NUP98: variants seen among roughly 807,000 people sequenced by gnomAD.
The protein encoded by NUP98 is nucleoporin 98 and 96 precursor.
A neutral mutation model predicts 191.9 loss-of-function variants in NUP98; 26 were observed. That is an observed-to-expected ratio of 0.14 (90% CI 0.10 to 0.19). The LOEUF is 0.19. Among genes scored for constraint, NUP98 ranks in the 10% least tolerant of loss-of-function variants. NUP98 has a pLI of 1.00. For missense variants in NUP98, 1,941 were observed against 2,178.8 expected (o/e 0.89, Z 2.17); for synonymous variants, 808 against 778.4 (o/e 1.04, Z -0.63).
intron 10 of NUP98, among the ~76,000 whole-genome samples, chr11:3,753,815 T>C (rs2080858069): frequency 7.8e-6 from 1 of 128,626 alleles, no homozygotes; most frequent in South Asian, 2.5e-4. Flanking sequence ...GGTGCGTGCC[T>C]GTAATCCCAG....
intron 12 of NUP98, among the ~76,000 whole-genome samples, chr11:3,740,824 AT>A (rs1368034600): frequency 8.1e-5 from 12 of 147,894 alleles, no homozygotes; most frequent in East Asian, 3.9e-4. Context: ...ATATATATAT[AT>A]TTTTTTTTTT....
chr11:3,697,516 T>C (rs563562579), intron 25 of NUP98, among the ~76,000 whole-genome samples: 7 of 152,124 alleles, frequency 4.6e-5, no homozygotes, highest in African/African-American at 1.7e-4. Context: ...TGTATTCTTA[T>C]CAAGACTTTA....
At chr11:3,735,085 C>G (rs1038154771) in intron 13 of NUP98, 106 bp downstream of exon 13, 4 of 1,002,794 alleles carry the variant, frequency 4.0e-6, no homozygotes, top group Admixed American at 6.5e-5. Flanking sequence ...TTAATTACAC[C>G]TAGCTTTGCT....
intron 1 of NUP98, among the ~76,000 whole-genome samples, chr11:3,793,352 C>T (rs2082417971): frequency 6.6e-6 from 1 of 151,856 alleles, no homozygotes; most frequent in Non-Finnish European, 1.5e-5. Context: ...CACAGTGGTG[C>T]AATCTGCGCT....
intron 29 of NUP98, among the ~76,000 whole-genome samples, 173 bp from the exon 30 acceptor site, chr11:3,683,614 C>T (rs1036009256): frequency 2.6e-5 from 4 of 151,986 alleles, no homozygotes; most frequent in Admixed American, 6.6e-5. Context: ...TCTTGGCTCA[C>T]GGCAAATTCC....
chr11:3,793,224 A>G (rs1056108334), intron 1 of NUP98, among the ~76,000 whole-genome samples: 1 of 152,214 alleles, frequency 6.6e-6, no homozygotes, highest in East Asian at 1.9e-4. Context: ...GTATGAGGCT[A>G]GATTTTCTTC....
chr11:3,700,931 T>C (rs189199623), intron 23 of NUP98, 92 bp from the exon 24 acceptor site: 24 of 846,950 alleles, frequency 2.8e-5, no homozygotes. Flanking sequence ...CTTTTTATGA[T>C]TACAAACGGA....
chr11:3,791,554 A>G (rs1360984329), intron 1 of NUP98, among the ~76,000 whole-genome samples: 111 of 144,290 alleles, frequency 7.7e-4, no homozygotes, highest in African/African-American at 2.7e-3. Context: ...AAAAAAAAAA[A>G]AAAAGAAAGG....
chr11:3,791,111 G>A (rs893298627), intron 1 of NUP98, among the ~76,000 whole-genome samples: 11 of 151,896 alleles, frequency 7.2e-5, no homozygotes, highest in South Asian at 6.2e-4. Flanking sequence ...TAGCCAGGAT[G>A]GTCTCGATCT....
Position 3,737,153 on chromosome 11 carries a change from TAA to T in NUP98, c.1409-1831_1409-1830del, listed in dbSNP as rs1589841270. On this transcript the variant is annotated intron_variant, in intron 12 of 32. Coordinates refer to ENST00000324932, the MANE Select transcript of NUP98 (RefSeq NM_016320.5). Reference sequence around the variant, plus strand: ...ATACTGATCAAAACCCAAAACATAATAAAGTCATTTTACAGACAAAAATACTA... The same window carrying T: ...ATACTGATCAAAACCCAAAACATAATAGTCATTTTACAGACAAAAATACTA... Among the ~76,000 whole-genome samples the T allele has an allele frequency of 2.0e-5, 3 of 152,166 alleles. No homozygotes were observed. The South Asian group carries it at 6.2e-4, about 32-fold the overall frequency.
In NUP98 at chr11:3,731,501, G is replaced by A; in HGVS notation, c.1620C>T (p.Ala540=). The change falls in exon 14 of 33, where the codon GCC becomes GCT. Residue 540 remains alanine (A), a synonymous_variant. Coordinates refer to ENST00000324932, the MANE Select transcript of NUP98 (RefSeq NM_016320.5). The part of the protein sequence containing the change: ...PTHYKLTPRP[A]TRVRPKALQT... ...GTAAAGCCTTTGGCCGGACTCTAGT[G>A]GCAGGGCGGGGTGTCAGTTTATAAT... 1 of 1,608,818 alleles carries A rather than the reference G, an allele frequency of 6.2e-7. No homozygotes were observed. The highest frequency in any genetic ancestry group is 8.5e-7 in the Non-Finnish European group (1 of 1,177,252).
intron 1 of NUP98, among the ~76,000 whole-genome samples, chr11:3,787,030 A>G (rs1039846631): frequency 1.3e-5 from 2 of 152,296 alleles, no homozygotes; most frequent in Admixed American, 1.3e-4. Flanking sequence ...TTTTTCATAC[A>G]TCCTCTCATC....
intron 1 of NUP98, 117 bp from the exon 2 acceptor site, chr11:3,782,262 T>C (rs2081994264): frequency 7.4e-6 from 4 of 537,400 alleles, no homozygotes; most frequent in Non-Finnish European, 1.3e-5. Context: ...TATACTCTCA[T>C]TCAAAATCCT....
At chr11:3,724,969 A>C (rs992291467) in intron 15 of NUP98, 134 bp downstream of exon 15, 3 of 515,610 alleles carry the variant, frequency 5.8e-6, no homozygotes, top group African/African-American at 3.8e-5. Context: ...TTTGATTTCT[A>C]GGCGCTCATA....
At chr11:3,683,151 G>T (rs2078027540) in intron 30 of NUP98, 49 bp downstream of exon 30, 1 of 1,609,090 alleles carries the variant, frequency 6.2e-7, no homozygotes, top group African/African-American at 1.3e-5. Flanking sequence ...AGGTTCAGAG[G>T]TTGGAGGAAT....
At chr11:3,725,040 A>AATT (rs1397561488) in intron 15 of NUP98, 63 bp downstream of exon 15, 2 of 721,302 alleles carry the variant, frequency 2.8e-6, no homozygotes, top group Admixed American at 2.3e-5. Flanking sequence ...AATTCCTAAG[A>AATT]ATGTCTTAAA....
chr11:3,781,580 G>A (rs539300569), intron 2 of NUP98: 2 of 150,570 alleles, frequency 1.3e-5, no homozygotes, highest in East Asian at 3.9e-4. Flanking sequence ...CAGGCAATTA[G>A]TCATACACGA....
intron 11 of NUP98, among the ~76,000 whole-genome samples, chr11:3,748,744 G>A (rs1395837794): frequency 2.6e-5 from 4 of 151,974 alleles, no homozygotes; most frequent in South Asian, 2.1e-4. Context: ...TAATTTGCCC[G>A]TACCAAAGCT....
At chr11:3,759,083 A>G (rs1025099953) in intron 10 of NUP98, among the ~76,000 whole-genome samples, 3 of 151,956 alleles carry the variant, frequency 2.0e-5, no homozygotes, top group Non-Finnish European at 2.9e-5. Flanking sequence ...ATCGTTCAAA[A>G]GCTCATTAAA....
Sources: gnomAD v4.1 joint callset for allele counts (sites outside exome capture counted in the v4.1 genomes callset) on GRCh38, gnomAD v4.1.1 for gene constraint, MANE v1.5 for transcripts, NCBI Gene and HGNC (gene_info 2026-07-23, HGNC 2026-07-21) for gene names.